Variants in PREX2 observed in about 807,000 individuals in gnomAD.
The protein encoded by PREX2 is phosphatidylinositol 3,4,5-trisphosphate-dependent Rac exchanger 2 protein.
Under a neutral mutation model 203.2 loss-of-function variants are expected in PREX2, and 107 were observed. The ratio of observed to expected loss-of-function variants is 0.53; its 90% CI spans 0.45 to 0.62. The LOEUF (loss-of-function observed/expected upper bound fraction) is 0.62. PREX2 is among the 20% of genes least tolerant of loss of function. PREX2 has a pLI of 0.00. For missense variants in PREX2, 1,777 were observed against 1,955.9 expected, an observed-to-expected ratio of 0.91 and a Z score of 1.72; for synonymous variants, 672 against 663.6, an observed-to-expected ratio of 1.01 and a Z score of -0.19.
At chr8:68,210,037 A>G (rs1421425384) in intron 37 of PREX2, among the ~76,000 whole-genome samples, 1 of 152,236 alleles carries the variant, frequency 6.6e-6, no homozygotes, top group African/African-American at 2.4e-5. Flanking sequence ...ATTGCCGCTC[A>G]AGTAACTTTC....
intron 35 of PREX2, among the ~76,000 whole-genome samples, chr8:68,163,811 C>A (rs1811698721): frequency 6.6e-6 from 1 of 152,180 alleles, no homozygotes; most frequent in Non-Finnish European, 1.5e-5. Flanking sequence ...CCTGTCTCAT[C>A]TAAACTCCCA....
chr8:68,035,816 T>C (rs1808010131), intron 6 of PREX2, among the ~76,000 whole-genome samples: 2 of 152,176 alleles, frequency 1.3e-5, no homozygotes, highest in African/African-American at 4.8e-5. Flanking sequence ...GCTTTAAGTG[T>C]TAAAGGTACA....
chr8:68,208,873 G>C (rs1285284926), intron 37 of PREX2, among the ~76,000 whole-genome samples: 1 of 151,840 alleles, frequency 6.6e-6, no homozygotes, highest in Non-Finnish European at 1.5e-5. Context: ...AGGATCACTT[G>C]AGCCCAGGAG....
chr8:68,168,474 G>A (rs1398383057), intron 35 of PREX2, among the ~76,000 whole-genome samples: 1 of 152,056 alleles, frequency 6.6e-6, no homozygotes, highest in Non-Finnish European at 1.5e-5. Context: ...TCTCTTTCTT[G>A]GAGAAAGCAT....
intron 1 of PREX2, among the ~76,000 whole-genome samples, chr8:67,974,181 T>C (rs1275422227): frequency 2.6e-5 from 4 of 152,168 alleles, no homozygotes; most frequent in African/African-American, 9.6e-5. Flanking sequence ...ATAAACAGCT[T>C]TTTTAAGATA....
At chr8:68,069,937 G>T in intron 13 of PREX2, 53 bp downstream of exon 13, 1 of 1,000,238 alleles carries the variant, frequency 1.0e-6, no homozygotes, top group East Asian at 2.5e-5. Context: ...TTTGTACTAT[G>T]TTTTAGGTAA....
At chr8:68,006,201 GGA>G (rs756068552) in intron 1 of PREX2, among the ~76,000 whole-genome samples, 2 of 152,136 alleles carry the variant, frequency 1.3e-5, no homozygotes, top group African/African-American at 4.8e-5. Flanking sequence ...GAGGGTAAGA[GGA>G]GCCTCCTCTT....
At chr8:67,994,351 T>C (rs1481229314) in intron 1 of PREX2, among the ~76,000 whole-genome samples, 1 of 152,232 alleles carries the variant, frequency 6.6e-6, no homozygotes, top group Non-Finnish European at 1.5e-5. Flanking sequence ...CACACTGGCA[T>C]GGACAGTATA....
In PREX2 at chr8:68,044,392, G is replaced by C. The variant is rs191960278; in HGVS notation, c.840-95G>C. ...ATGTTTGATATTGTCGATTGAATTG[G>C]TGTCTTTTTTCAAAGAATTGCCTAA... On this transcript the variant is annotated intron_variant, in intron 7 of 39. Coordinates refer to ENST00000288368, the MANE Select transcript of PREX2 (RefSeq NM_024870.4). 1.0e-3 allele frequency: 806 copies of C among 787,310 alleles called. 6 individuals carry two copies. Among genetic ancestry groups the C allele is most frequent in the South Asian group, 2.4e-3 (133 of 55,806 alleles). 48.8% of individuals were successfully genotyped at this position (787,310 alleles called of 1,614,324 possible). A position where few individuals can be genotyped will look rare whatever the true frequency, so the allele number is the denominator to read the frequency against.
chr8:68,190,393 A>G (rs2033583), intron 35 of PREX2, among the ~76,000 whole-genome samples: 137,387 of 152,136 alleles, frequency 0.9, 62,105 homozygotes, highest in East Asian at 1. Context: ...TCAAAACGGC[A>G]TAATATGCAG....
intron 23 of PREX2, among the ~76,000 whole-genome samples, chr8:68,107,044 G>T (rs150318436): frequency 1.3e-5 from 2 of 152,132 alleles, no homozygotes; most frequent in African/African-American, 4.8e-5. Flanking sequence ...AGCCTCATGG[G>T]GTTTACCATC....
chr8:68,201,335 G>T (rs889438196), intron 37 of PREX2, among the ~76,000 whole-genome samples: 1 of 152,120 alleles, frequency 6.6e-6, no homozygotes, highest in East Asian at 1.9e-4. Flanking sequence ...GGGTTCTCTA[G>T]AGGGACAGAA....
chr8:68,110,130 C>T (rs1011166668), intron 25 of PREX2, among the ~76,000 whole-genome samples: 1 of 152,068 alleles, frequency 6.6e-6, no homozygotes, highest in Non-Finnish European at 1.5e-5. Flanking sequence ...TAAGCAATAA[C>T]CCAAATACCT....
intron 35 of PREX2, among the ~76,000 whole-genome samples, chr8:68,178,433 T>C (rs1812024551): frequency 6.6e-6 from 1 of 152,148 alleles, no homozygotes; most frequent in Non-Finnish European, 1.5e-5. Flanking sequence ...TTTTGAGAAC[T>C]ATCTGTTCAT....
chr8:68,064,307 T>C (rs1475811431), intron 11 of PREX2, among the ~76,000 whole-genome samples: 1 of 152,156 alleles, frequency 6.6e-6, no homozygotes, highest in Non-Finnish European at 1.5e-5. Context: ...CAATTATTAT[T>C]AATTCAATTA....
chr8:67,974,524 A>C (rs1412681078), intron 1 of PREX2, among the ~76,000 whole-genome samples: 23 of 152,138 alleles, frequency 1.5e-4, no homozygotes, highest in Non-Finnish European at 7.4e-5. Flanking sequence ...TACATTTTGG[A>C]GCTAACTTTT....
intron 33 of PREX2, among the ~76,000 whole-genome samples, chr8:68,141,419 C>T (rs1811227898): frequency 6.6e-6 from 1 of 152,010 alleles, no homozygotes; most frequent in African/African-American, 2.4e-5. Context: ...CTTCATGGAG[C>T]TGACAGCCTA....
chr8:68,045,099 T>G (rs914497995), intron 8 of PREX2, among the ~76,000 whole-genome samples: 1 of 152,136 alleles, frequency 6.6e-6, no homozygotes, highest in Non-Finnish European at 1.5e-5. Context: ...TTTAAATATC[T>G]TATTACTCAA....
At chr8:68,101,660 C>A (rs75363982) in intron 23 of PREX2, among the ~76,000 whole-genome samples, 3,344 of 152,258 alleles carry the variant, frequency 0.022, 107 homozygotes, top group African/African-American at 0.068. Context: ...AATCAGTATT[C>A]TCCTTTCGAA....
Sources: gnomAD v4.1 joint callset for allele counts (sites outside exome capture counted in the v4.1 genomes callset) on GRCh38, gnomAD v4.1.1 for gene constraint, MANE v1.5 for transcripts, NCBI Gene and HGNC (gene_info 2026-07-23, HGNC 2026-07-21) for gene names.